The following MCF2L variants were observed in gnomAD, a reference collection of about 807,000 sequenced individuals.
MCF2L encodes the protein guanine nucleotide exchange factor DBS.
Under a neutral mutation model 153.4 loss-of-function variants are expected in MCF2L, and 97 were observed. The observed-to-expected ratio is 0.63, with a 90% CI of 0.54 to 0.75. The LOEUF (loss-of-function observed/expected upper bound fraction) is 0.75, where lower values mean the gene tolerates loss of function less well. Among genes scored for constraint, MCF2L ranks in the 30% least tolerant of loss-of-function variants. The pLI is 0.00. For synonymous variants in MCF2L, 659 were observed against 632.2 expected, an observed-to-expected ratio of 1.04 and a Z score of -0.64; for missense variants, 1,347 against 1,495.2, an observed-to-expected ratio of 0.90 and a Z score of 1.64.
chr13:113,092,198 G>A (rs566972155), intron 26 of MCF2L, among the ~76,000 whole-genome samples: 8 of 152,374 alleles, frequency 5.3e-5, no homozygotes, highest in East Asian at 1.9e-4. Context: ...AAGGTGGGCC[G>A]GGTGGGCCCT....
intron 1 of MCF2L, among the ~76,000 whole-genome samples, chr13:112,971,196 G>C (rs1188115750): frequency 6.6e-6 from 1 of 152,198 alleles, no homozygotes; most frequent in Non-Finnish European, 1.5e-5. Context: ...TGCTACCACA[G>C]AGTGTACGGG....
chr13:113,083,806 T>C (rs1180782809), intron 17 of MCF2L, among the ~76,000 whole-genome samples, 192 bp from the exon 18 acceptor site: 1 of 152,242 alleles, frequency 6.6e-6, no homozygotes, highest in Non-Finnish European at 1.5e-5. Context: ...AGACTCAGCC[T>C]GGGGCTGCAC....
intron 1 of MCF2L, among the ~76,000 whole-genome samples, chr13:113,006,543 C>T (rs982586657): frequency 2.0e-5 from 3 of 152,216 alleles, no homozygotes; most frequent in Admixed American, 6.5e-5. Context: ...AGTGCGACCC[C>T]TCCTGCGGAC....
chr13:112,969,897 T>A lies in MCF2L; in HGVS notation c.79+439T>A, dbSNP rs2081981627. 6.6e-6 allele frequency among the ~76,000 whole-genome samples: 1 copy of A among 152,158 alleles called. No homozygotes were observed. Among genetic ancestry groups the A allele is most frequent in the Non-Finnish European group, 1.5e-5 (1 of 68,026 alleles). On this transcript the variant is annotated intron_variant, in intron 1 of 29. Transcript: ENST00000535094. The surrounding 1 kb of genome is among the most constrained non-coding windows in gnomAD (Gnocchi z 4.8). ...TTGAGGATGAAAAAACCTGGACTAA[T>A]CAGGTGGTTCTTTTCTTCATTAAAT...
At chr13:113,038,309 C>CA (rs1406861070) in intron 3 of MCF2L, among the ~76,000 whole-genome samples, 3 of 151,676 alleles carry the variant, frequency 2.0e-5, no homozygotes, top group African/African-American at 7.3e-5. Context: ...ACTAAAAATA[C>CA]AAAAAATTAG....
At chr13:113,076,984 G>A (rs1164082782) in intron 12 of MCF2L, 68 bp from the exon 13 acceptor site, 16 of 1,528,930 alleles carry the variant, frequency 1.0e-5, no homozygotes, top group Middle Eastern at 1.7e-4. Flanking sequence ...CACGTTCTGC[G>A]CCTGACTGTG....
Position 112,907,129 on chromosome 13 carries a change from C to T in MCF2L, c.169+4758C>T, listed in dbSNP as rs2081180833. Among the ~76,000 whole-genome samples the T allele has an allele frequency of 6.6e-6, 1 of 152,062 alleles. No individual in the cohort carries two copies. The highest frequency in any genetic ancestry group is 1.5e-5 in the Non-Finnish European group (1 of 68,020). ...CCATGCTTTATGGTAGGAGATTACA[C>T]AGGATTCTGAGGGGGGACCTTGTCT... On this transcript the variant is annotated intron_variant, in intron 2 of 29. Transcript: ENST00000375608. The surrounding 1 kb of genome is among the most constrained non-coding windows in gnomAD (Gnocchi z 5.1).
chr13:113,002,463 C>T (rs1053081174), intron 1 of MCF2L, among the ~76,000 whole-genome samples: 2 of 152,218 alleles, frequency 1.3e-5, no homozygotes, highest in Non-Finnish European at 2.9e-5. Context: ...TGGGGCCACC[C>T]GTGGTGCAAG....
exon 2 of MCF2L, chr13:112,902,270 G>A (rs9603799): frequency 0.022 from 35,914 of 1,612,672 alleles, 598 homozygotes; most frequent in East Asian, 0.052. Context: ...TCCCCACAAC[G>A]GCCCAATGAG....
At chr13:112,955,930 A>T (rs1413776512) in intron 2 of MCF2L, 1 of 152,224 alleles carries the variant, frequency 6.6e-6, no homozygotes, top group Non-Finnish European at 1.5e-5. Context: ...TGCCATACCC[A>T]GGGGCCAGAG....
intron 3 of MCF2L, chr13:113,044,817 T>C (rs772491892): frequency 6.2e-7 from 1 of 1,612,944 alleles, no homozygotes; most frequent in Non-Finnish European, 8.5e-7. Flanking sequence ...CCCAGCACCG[T>C]AGCCATGCCA....
intron 1 of MCF2L, among the ~76,000 whole-genome samples, chr13:113,000,001 T>G (rs1457707303): frequency 3.3e-5 from 4 of 122,068 alleles, no homozygotes; most frequent in Non-Finnish European, 7.5e-5. Flanking sequence ...GGGCCGGGAA[T>G]GAAGACGCCG....
chr13:113,023,011 C>T lies in MCF2L; in HGVS notation c.164-1633C>T, dbSNP rs576750349. Among the ~76,000 whole-genome samples the T allele has an allele frequency of 2.2e-4, 34 of 152,324 alleles. No individual in the cohort carries two copies. The South Asian group carries it at 6.8e-3, about 31-fold the overall frequency. On this transcript the variant is annotated intron_variant, in intron 2 of 29. Coordinates refer to ENST00000535094, the MANE Select transcript of MCF2L (RefSeq NM_001112732.3). Reference sequence around the variant, plus strand: ...AGAGCCCTCGAGGGCTGGGAGAGTTCGGAGGATAGAAGTCATCAGAGCACA... The same window carrying T: ...AGAGCCCTCGAGGGCTGGGAGAGTTTGGAGGATAGAAGTCATCAGAGCACA...
Position 113,096,543 on chromosome 13 carries a change from C to CT in MCF2L, c.3189-5dup. The CT allele has an allele frequency of 6.2e-7, 1 of 1,601,840 alleles. No homozygotes were observed. The highest frequency in any genetic ancestry group is 8.5e-7 in the Non-Finnish European group (1 of 1,176,200). The stretch of plus-strand genomic sequence containing the variant: ...ACGTGGCTGCCGCTGACCCTCGCCC[C>CT]TTGCAGGTACGTCAGGGACCCGACC... On this transcript the variant is annotated splice_region_variant and splice_polypyrimidine_tract_variant and intron_variant, in intron 28 of 29. Coordinates refer to ENST00000535094, the MANE Select transcript of MCF2L (RefSeq NM_001112732.3).
intron 1 of MCF2L, among the ~76,000 whole-genome samples, chr13:112,999,401 CCTT>C (rs961072454): frequency 1.1e-4 from 16 of 152,240 alleles, no homozygotes; most frequent in African/African-American, 3.9e-4. Context: ...GACGCCCTCT[CCTT>C]AGAGGACAGC....
intron 15 of MCF2L, among the ~76,000 whole-genome samples, chr13:113,080,202 C>T (rs573434906): frequency 4.9e-5 from 7 of 141,886 alleles, no homozygotes; most frequent in Admixed American, 2.8e-4. Context: ...GGCATCCGCA[C>T]AGAGGAGGGT....
At chr13:113,048,164 C>T (rs115180596) in intron 4 of MCF2L, among the ~76,000 whole-genome samples, 1,982 of 152,358 alleles carry the variant, frequency 0.013, 47 homozygotes, top group African/African-American at 0.045. Flanking sequence ...TGTCCTGTTC[C>T]GTTCACCGAG....
In MCF2L at chr13:113,088,594, C is replaced by T; in HGVS notation, c.2800C>T (p.Gln934Ter). The T allele has an allele frequency of 6.2e-7, 1 of 1,609,810 alleles. No individual in the cohort carries two copies. The highest frequency in any genetic ancestry group is 8.5e-7 in the Non-Finnish European group (1 of 1,179,864). Reference sequence around the variant, plus strand: ...CCAGCACCGGGCGCTGGAGCAGTCACAGAGCCTGCCCCTGCCGGCCCCGAC... The same window carrying T: ...CCAGCACCGGGCGCTGGAGCAGTCATAGAGCCTGCCCCTGCCGGCCCCGAC... ...ASQHRALEQS[Q>*]SLPLPAPTST... is the part of the protein sequence containing the mutation. Residue 934 changes from glutamine to a stop codon, truncating the protein, a stop_gained, in exon 25 of 30, where the codon CAG becomes TAG. Transcript: ENST00000535094. LOFTEE classifies it high-confidence loss of function.
intron 2 of MCF2L, among the ~76,000 whole-genome samples, chr13:112,920,367 G>A (rs2081339906): frequency 1.3e-5 from 2 of 152,302 alleles, no homozygotes; most frequent in African/African-American, 4.8e-5. Flanking sequence ...GTGTGTTGCT[G>A]CTGGCTTGTG....
Sources: gnomAD v4.1 joint callset for allele counts (sites outside exome capture counted in the v4.1 genomes callset) on GRCh38, gnomAD v4.1.1 for gene constraint, Gnocchi (gnomAD v3.1) non-coding constraint, MANE v1.5 for transcripts, NCBI Gene and HGNC (gene_info 2026-07-23, HGNC 2026-07-21) for gene names.